MID1: variants seen among roughly 807,000 people sequenced by gnomAD.
MID1 encodes E3 ubiquitin-protein ligase Midline-1.
A neutral mutation model predicts 40.4 loss-of-function variants in MID1; 7 were observed. The observed-to-expected ratio is 0.17, with a 90% CI of 0.10 to 0.33. The LOEUF (loss-of-function observed/expected upper bound fraction) is 0.33, where lower values mean the gene tolerates loss of function less well. Among genes scored for constraint, MID1 ranks in the 10% least tolerant of loss-of-function variants. The probability of loss-of-function intolerance (pLI) is 1.00; values close to 1 mark genes in which losing one functional copy is unlikely to be tolerated. For synonymous variants in MID1, 229 were observed against 221.2 expected (o/e 1.04, Z -0.31); for missense variants, 367 against 558.5 (o/e 0.66, Z 3.46).
intron 1 of MID1, among the ~76,000 whole-genome samples, chrX:10,633,584 T>C (rs2147557641): frequency 9.0e-6 from 1 of 110,957 alleles, no homozygotes; most frequent in South Asian, 3.9e-4. Context: ...CCAGAGTAGC[T>C]GAGACTACAG....
intron 2 of MID1, among the ~76,000 whole-genome samples, chrX:10,533,643 A>G (rs753371448): frequency 2.1e-4 from 24 of 111,993 alleles, no homozygotes; most frequent in Non-Finnish European, 3.2e-4. Context: ...CAGGTACTCA[A>G]AATTCTAAAG....
chrX:10,474,480 C>A, intron 6 of MID1, 143 bp downstream of exon 6: 1 of 584,980 alleles, frequency 1.7e-6, no homozygotes, highest in Non-Finnish European at 2.7e-6. Flanking sequence ...AAGGGCAATG[C>A]ACAGAAATTG....
Position 10,534,131 on chromosome X carries a change from C to T in MID1, c.661-10944G>A, listed in dbSNP as rs183710430. ...ATGTCATACATGTTGTCTGTATAGG[C>T]CCCTTCAAGCTTTACTTCCTCCATC... is the stretch of plus-strand genomic sequence containing the variant. On this transcript the variant is annotated intron_variant, in intron 2 of 9. Transcript: ENST00000317552. 3.5e-3 allele frequency among the ~76,000 whole-genome samples: 387 copies of T among 110,961 alleles called. 1 individual carries two copies. Among genetic ancestry groups the T allele is most frequent in the African/African-American group, 0.012 (376 of 30,583 alleles).
At chrX:10,762,020 T>G (rs774384035) in intron 1 of MID1, among the ~76,000 whole-genome samples, 28 of 112,139 alleles carry the variant, frequency 2.5e-4, no homozygotes, top group Non-Finnish European at 5.3e-4. Context: ...AAAATTCCCT[T>G]ATCTTTCAGA....
chrX:10,828,292 A>C (rs1421221628), intron 1 of MID1, among the ~76,000 whole-genome samples: 4 of 111,143 alleles, frequency 3.6e-5, no homozygotes, highest in Non-Finnish European at 7.5e-5. Flanking sequence ...CATTCTCTCC[A>C]CATCTTGGAC....
At chrX:10,488,558 T>C (rs778630484) in intron 4 of MID1, among the ~76,000 whole-genome samples, 5 of 111,977 alleles carry the variant, frequency 4.5e-5, no homozygotes, top group Non-Finnish European at 7.5e-5. Flanking sequence ...TGACTAATGA[T>C]ACTGAACCAT....
intron 1 of MID1, among the ~76,000 whole-genome samples, chrX:10,821,266 A>G (rs961558801): frequency 8.9e-6 from 1 of 112,307 alleles, no homozygotes; most frequent in Admixed American, 9.4e-5. Context: ...CCTAAGAATA[A>G]TCTTTTTTAA....
At chrX:10,519,251 C>A (rs1163483638) in intron 3 of MID1, among the ~76,000 whole-genome samples, 6 of 111,332 alleles carry the variant, frequency 5.4e-5, no homozygotes, top group Non-Finnish European at 1.1e-4. Flanking sequence ...TCTTACTATC[C>A]TAAACATCAA....
intron 1 of MID1, among the ~76,000 whole-genome samples, chrX:10,698,731 GA>G (rs777771037): frequency 0.19 from 13,036 of 67,507 alleles, 1,320 homozygotes; most frequent in African/African-American, 0.39. Context: ...AGAAGAAAAA[GA>G]AAAAAAAAAA....
chrX:10,640,929 G>A (rs1217894772), intron 1 of MID1, among the ~76,000 whole-genome samples: 2 of 111,716 alleles, frequency 1.8e-5, no homozygotes, highest in South Asian at 3.7e-4. Context: ...GGTACATAAC[G>A]AAATGAAGGC....
At chrX:10,588,359 T>C (rs1935187304) in intron 1 of MID1, among the ~76,000 whole-genome samples, 1 of 111,542 alleles carries the variant, frequency 9.0e-6, no homozygotes, top group Non-Finnish European at 1.9e-5. Context: ...CCGCTACAGA[T>C]TGAATGCATC....
At chrX:10,807,177 G>A (rs949682266) in intron 1 of MID1, among the ~76,000 whole-genome samples, 5 of 110,402 alleles carry the variant, frequency 4.5e-5, no homozygotes, top group African/African-American at 1.7e-4. Context: ...CTTGGGAGGC[G>A]GAGGTTGCAG....
At chrX:10,667,584 A>C (rs2147588786) in intron 1 of MID1, among the ~76,000 whole-genome samples, 1 of 112,231 alleles carries the variant, frequency 8.9e-6, no homozygotes, top group East Asian at 2.8e-4. Context: ...GTTTTACTAA[A>C]GTTTTATGAA....
intron 3 of MID1, among the ~76,000 whole-genome samples, chrX:10,499,420 C>A (rs1188726547): frequency 1.8e-5 from 2 of 111,660 alleles, no homozygotes. Flanking sequence ...CTTTATGATA[C>A]CCTTTAAAGC....
intron 1 of MID1, among the ~76,000 whole-genome samples, chrX:10,680,647 C>A (rs2043052755): frequency 9.0e-6 from 1 of 111,267 alleles, no homozygotes; most frequent in East Asian, 2.8e-4. Context: ...AACTACTAAA[C>A]TACGTTAAAT....
At chrX:10,461,166 C>CACACACACACACAT (rs1929015888) in intron 7 of MID1, among the ~76,000 whole-genome samples, 1 of 104,431 alleles carries the variant, frequency 9.6e-6, no homozygotes, top group African/African-American at 3.5e-5. Flanking sequence ...CACACACACA[C>CACACACACACACAT]ATATTTGGTC....
At chrX:10,825,837 C>T (rs1008263137) in intron 1 of MID1, among the ~76,000 whole-genome samples, 12 of 111,664 alleles carry the variant, frequency 1.1e-4, no homozygotes, top group African/African-American at 3.3e-4. Flanking sequence ...GCTCTTCTCC[C>T]TCCAGGCTTT....
At chrX:10,712,897 C>T (rs1043947765) in intron 1 of MID1, among the ~76,000 whole-genome samples, 6 of 111,366 alleles carry the variant, frequency 5.4e-5, no homozygotes, top group Non-Finnish European at 7.5e-5. Context: ...AGTGCAGTGG[C>T]GTGATCTCGG....
rs187426074 is a variant in MID1, at chrX:10,730,729, G to A, written c.-187+102825C>T. ...TGGGACTACAGGCGCCCGCCACCACGCCCGGCTAATTTTTTGTATTTTTTT... is the reference window on the plus strand; with the variant it reads ...TGGGACTACAGGCGCCCGCCACCACACCCGGCTAATTTTTTGTATTTTTTT... On this transcript the variant is annotated intron_variant, in intron 1 of 10. Coordinates refer to the MID1 transcript ENST00000380785. Among the ~76,000 whole-genome samples the A allele has an allele frequency of 6.1e-3, 671 of 109,160 alleles. 10 individuals are homozygous for A. The highest frequency in any genetic ancestry group is 0.021 in the African/African-American group (631 of 29,982). The allele number at this position is 109,160 out of a possible 115,157, so 94.8% of individuals were successfully genotyped here.
Sources: allele counts gnomAD v4.1 joint callset (sites outside exome capture counted in the v4.1 genomes callset), GRCh38; gene constraint gnomAD v4.1.1; transcripts MANE v1.5; gene names NCBI Gene and HGNC (gene_info 2026-07-23, HGNC 2026-07-21).